Variants in UNC13B observed in about 807,000 individuals in gnomAD.
The protein encoded by UNC13B is unc-13 homolog B, also known as protein unc-13 homolog B.
In UNC13B, 144 loss-of-function variants were observed where a neutral mutation model predicts 211.0. That is an observed-to-expected ratio of 0.68 (90% CI 0.60 to 0.78). UNC13B has a LOEUF of 0.78. Ranked by LOEUF, UNC13B falls within the 30% of genes least tolerant of loss-of-function variation. UNC13B has a pLI of 0.00. For synonymous variants in UNC13B, 709 were observed against 725.8 expected (o/e 0.98, Z 0.37); for missense variants, 1,777 against 2,002.0 (o/e 0.89, Z 2.14).
At chr9:35,329,522 C>T (rs917855524) in intron 11 of UNC13B, among the ~76,000 whole-genome samples, 1 of 151,044 alleles carries the variant, frequency 6.6e-6, no homozygotes, top group South Asian at 2.1e-4. Context: ...GGGTCTCACT[C>T]TGTTGCCCAG....
intron 1 of UNC13B, among the ~76,000 whole-genome samples, chr9:35,171,406 G>A (rs1821325421): frequency 6.6e-6 from 1 of 152,072 alleles, no homozygotes; most frequent in Non-Finnish European, 1.5e-5. Context: ...CTGGTCTCAA[G>A]TATAGTTTTT....
At chr9:35,363,285 T>G (rs1172536957) in intron 11 of UNC13B, among the ~76,000 whole-genome samples, 6 of 152,148 alleles carry the variant, frequency 3.9e-5, no homozygotes, top group African/African-American at 1.4e-4. Flanking sequence ...AACTTTGACA[T>G]GGTTGTAGAA....
intron 8 of UNC13B, among the ~76,000 whole-genome samples, chr9:35,297,625 C>T (rs1337394709): frequency 6.8e-6 from 1 of 147,990 alleles, no homozygotes; most frequent in Non-Finnish European, 1.5e-5. Context: ...TCTCGGCTCA[C>T]GGCAAGCTCC....
chr9:35,249,863 G>A (rs1191140221), intron 6 of UNC13B, among the ~76,000 whole-genome samples: 1 of 152,090 alleles, frequency 6.6e-6, no homozygotes, highest in Non-Finnish European at 1.5e-5. Flanking sequence ...GAGTATCTTT[G>A]TTGCTTTCTG....
At chr9:35,259,189 G>T (rs1380413033) in intron 7 of UNC13B, 139 bp downstream of exon 7, 3 of 898,660 alleles carry the variant, frequency 3.3e-6, no homozygotes, top group Non-Finnish European at 5.1e-6. Flanking sequence ...ATCTGTTCAG[G>T]CGCCTTTCTC....
chr9:35,273,245 G>A (rs1274233424), intron 7 of UNC13B, among the ~76,000 whole-genome samples: 1 of 152,140 alleles, frequency 6.6e-6, no homozygotes, highest in African/African-American at 2.4e-5. Context: ...CTTAGTTGCT[G>A]GGTTGTGACA....
chr9:35,178,285 A>C (rs926419969), intron 1 of UNC13B, among the ~76,000 whole-genome samples: 10 of 152,122 alleles, frequency 6.6e-5, no homozygotes, highest in Non-Finnish European at 1.0e-4. Context: ...CAAGACGGGT[A>C]GATCACTTGA....
At chr9:35,206,216 T>A (rs528663922) in intron 1 of UNC13B, among the ~76,000 whole-genome samples, 3 of 152,206 alleles carry the variant, frequency 2.0e-5, no homozygotes, top group East Asian at 1.9e-4. Context: ...TTAAAAAAAA[T>A]TAAAAATTGA....
intron 1 of UNC13B, among the ~76,000 whole-genome samples, chr9:35,210,454 A>G (rs1823905490): frequency 6.6e-6 from 1 of 152,330 alleles, no homozygotes; most frequent in East Asian, 1.9e-4. Flanking sequence ...TGGCACTGCT[A>G]CACTGTTTGA....
At chr9:35,205,345 C>T (rs1823583679) in intron 1 of UNC13B, among the ~76,000 whole-genome samples, 2 of 151,984 alleles carry the variant, frequency 1.3e-5, no homozygotes, top group African/African-American at 2.4e-5. Flanking sequence ...ATATACATGC[C>T]CTTTTGGTTT....
At chr9:35,220,041 T>A (rs1314730142) in intron 1 of UNC13B, among the ~76,000 whole-genome samples, 2 of 152,178 alleles carry the variant, frequency 1.3e-5, no homozygotes, top group Non-Finnish European at 2.9e-5. Context: ...TGTCTTTTTG[T>A]ATGAATAACT....
At chr9:35,249,307 C>G (rs1826309475) in intron 6 of UNC13B, among the ~76,000 whole-genome samples, 1 of 152,106 alleles carries the variant, frequency 6.6e-6, no homozygotes, top group East Asian at 1.9e-4. Context: ...GACTCTTTAT[C>G]CAATTTGCCA....
intron 8 of UNC13B, among the ~76,000 whole-genome samples, chr9:35,298,381 A>T (rs1372071732): frequency 1.3e-5 from 2 of 152,184 alleles, no homozygotes; most frequent in African/African-American, 4.8e-5. Flanking sequence ...AGATTGCACC[A>T]CTGCACTCCA....
chr9:35,403,032 C>T, intron 37 of UNC13B, 135 bp from the exon 38 acceptor site: 1 of 656,966 alleles, frequency 1.5e-6, no homozygotes, highest in East Asian at 2.7e-5. Context: ...TCTTTCCCTT[C>T]TCCTATTGCT....
rs1829828214 is a variant in UNC13B, at chr9:35,304,384, T to G, written c.4980T>G (p.Phe1660Leu). 1.8e-5 allele frequency: 7 copies of G among 398,608 alleles called. No individual in the cohort carries two copies. The highest frequency in any genetic ancestry group is 3.1e-5 in the Non-Finnish European group (7 of 225,900). 24.7% of individuals were successfully genotyped at this position (398,608 alleles called of 1,614,324 possible). A position where few individuals can be genotyped will look rare whatever the true frequency, so the allele number is the denominator to read the frequency against. ...ATCGTCAAAAGTTTAAAGGAGACTTTAGATCTTTCAAAGAAAGGCCGTGTG... is the reference window on the plus strand; with the variant it reads ...ATCGTCAAAAGTTTAAAGGAGACTTGAGATCTTTCAAAGAAAGGCCGTGTG... The part of the protein sequence containing the change: ...GYNRQKFKGD[F>L]RSFKERPCGS... The change falls in exon 9 of 40, where the codon TTT becomes TTG. Residue 1660 changes from phenylalanine (F) to leucine (L), a missense_variant. By Grantham distance (22) the Phe-to-Leu change is conservative. Transcript: ENST00000635942.
chr9:35,173,444 G>T (rs1266376091), intron 1 of UNC13B, among the ~76,000 whole-genome samples: 2 of 149,542 alleles, frequency 1.3e-5, no homozygotes, highest in Admixed American at 6.7e-5. Context: ...TTTTTTTGGG[G>T]ACAGAGTCTC....
At chr9:35,245,254 C>T (rs747155370) in intron 6 of UNC13B, among the ~76,000 whole-genome samples, 16 of 151,236 alleles carry the variant, frequency 1.1e-4, no homozygotes, top group South Asian at 6.3e-4. Flanking sequence ...ATAACTTATA[C>T]AAAAATTGTG....
At chr9:35,203,607 A>G (rs977389487) in intron 1 of UNC13B, among the ~76,000 whole-genome samples, 1 of 152,120 alleles carries the variant, frequency 6.6e-6, no homozygotes, top group Non-Finnish European at 1.5e-5. Context: ...CTTCATTTCA[A>G]CAGGATCTGT....
chr9:35,179,529 T>C (rs10738940), intron 1 of UNC13B, among the ~76,000 whole-genome samples: 1 of 152,038 alleles, frequency 6.6e-6, no homozygotes, highest in African/African-American at 2.4e-5. Context: ...AGTGGCTCGC[T>C]CCTGTAATCC....
Sources: allele counts gnomAD v4.1 joint callset (sites outside exome capture counted in the v4.1 genomes callset), GRCh38; gene constraint gnomAD v4.1.1; transcripts MANE v1.5; gene names NCBI Gene and HGNC (gene_info 2026-07-23, HGNC 2026-07-21).